GSG1L: variants seen among roughly 807,000 people sequenced by gnomAD.
The protein encoded by GSG1L is GSG1 like, also known as germ cell-specific gene 1-like protein.
A neutral mutation model predicts 42.1 loss-of-function variants in GSG1L; 24 were observed. The ratio of observed to expected loss-of-function variants is 0.57; its 90% CI spans 0.41 to 0.80. The LOEUF (loss-of-function observed/expected upper bound fraction) is 0.80, where lower values mean the gene tolerates loss of function less well. Ranked by LOEUF, GSG1L falls within the 30% of genes least tolerant of loss-of-function variation. The probability of loss-of-function intolerance (pLI) is 0.00; values close to 1 mark genes in which losing one functional copy is unlikely to be tolerated. For synonymous variants in GSG1L, 215 were observed against 203.5 expected (o/e 1.06, Z -0.48); for missense variants, 445 against 472.2 (o/e 0.94, Z 0.53).
At chr16:27,798,666 C>T (rs2082848109) in intron 6 of GSG1L, among the ~76,000 whole-genome samples, 1 of 152,160 alleles carries the variant, frequency 6.6e-6, no homozygotes, top group African/African-American at 2.4e-5. Context: ...TCTGCCTTAT[C>T]ATGACACTTC....
intron 3 of GSG1L, among the ~76,000 whole-genome samples, chr16:27,870,072 T>C (rs1324661586): frequency 6.7e-6 from 1 of 149,048 alleles, no homozygotes; most frequent in African/African-American, 2.5e-5. Flanking sequence ...TCTCTCCATC[T>C]CTCTTTCCTT....
At chr16:27,949,925 A>AAAACAAAC (rs541234298) in intron 2 of GSG1L, among the ~76,000 whole-genome samples, 218 of 152,280 alleles carry the variant, frequency 1.4e-3, no homozygotes, top group African/African-American at 5.1e-3. Flanking sequence ...ACTCCGTCTC[A>AAAACAAAC]AAACAAACAA....
At chr16:28,000,950 G>A (rs906165637) in intron 1 of GSG1L, among the ~76,000 whole-genome samples, 5 of 152,054 alleles carry the variant, frequency 3.3e-5, no homozygotes, top group East Asian at 1.9e-4. Context: ...ATCTTCTAGC[G>A]TCAGCATCTC....
chr16:27,967,498 T>C (rs989316194), intron 1 of GSG1L, among the ~76,000 whole-genome samples: 1 of 152,078 alleles, frequency 6.6e-6, no homozygotes, highest in Admixed American at 6.5e-5. Context: ...CACCTTCCAT[T>C]ACAGACAAAG....
intron 2 of GSG1L, among the ~76,000 whole-genome samples, chr16:27,961,652 A>G (rs965454698): frequency 2.6e-5 from 4 of 152,228 alleles, no homozygotes; most frequent in African/African-American, 7.2e-5. Context: ...TGTTCAACAA[A>G]TATCAGCCAT....
chr16:27,884,648 A>C lies in GSG1L; in HGVS notation c.398-10T>G. On this transcript the variant is annotated splice_polypyrimidine_tract_variant and intron_variant, in intron 2 of 6. Coordinates refer to ENST00000447459, the MANE Select transcript of GSG1L (RefSeq NM_001109763.2). This position sits in a 1 kb window ranked among gnomAD's most constrained non-coding sequence, Gnocchi z 4.4. ...GACAGCCACAGGACCCCTGTCCAAC[A>C]GAGGCAGAGAGGCCGTGAGATGAGG... is the stretch of plus-strand genomic sequence containing the variant. 1 of 1,565,954 alleles carries C rather than the reference A, an allele frequency of 6.4e-7. No homozygotes were observed. Among genetic ancestry groups the C allele is most frequent in the Non-Finnish European group, 8.7e-7 (1 of 1,154,996 alleles).
At chr16:27,985,166 G>A (rs1309006282) in intron 1 of GSG1L, among the ~76,000 whole-genome samples, 1 of 152,086 alleles carries the variant, frequency 6.6e-6, no homozygotes, top group Non-Finnish European at 1.5e-5. Context: ...GACTTCCTGT[G>A]CCCCTGAGAC....
chr16:28,026,494 C>T (rs967668079), intron 1 of GSG1L, among the ~76,000 whole-genome samples: 3 of 152,162 alleles, frequency 2.0e-5, no homozygotes, highest in African/African-American at 7.2e-5. Flanking sequence ...GCTTTCGCTG[C>T]CAGAACAGAG....
intron 6 of GSG1L, among the ~76,000 whole-genome samples, chr16:27,801,181 G>T (rs2082877264): frequency 6.6e-6 from 1 of 152,224 alleles, no homozygotes. Context: ...CAGCATGGGA[G>T]ATGGGGAAGA....
chr16:27,942,460 A>G (rs1056821029), intron 2 of GSG1L, among the ~76,000 whole-genome samples: 5 of 132,572 alleles, frequency 3.8e-5, no homozygotes, highest in African/African-American at 1.4e-4. Context: ...AAAAATGAGA[A>G]CTTCTTAAAA....
intron 5 of GSG1L, among the ~76,000 whole-genome samples, chr16:27,827,296 C>T (rs975197489): frequency 6.6e-6 from 1 of 152,164 alleles, no homozygotes; most frequent in African/African-American, 2.4e-5. Context: ...ATCGGCCATT[C>T]GCGGGTACCT....
chr16:27,802,874 C>G (rs2082899526), intron 6 of GSG1L, among the ~76,000 whole-genome samples: 1 of 151,834 alleles, frequency 6.6e-6, no homozygotes, highest in Non-Finnish European at 1.5e-5. Context: ...AGGCTGGTCT[C>G]GAACTCCTGG....
chr16:27,924,753 A>C (rs1186204229), intron 2 of GSG1L, among the ~76,000 whole-genome samples: 4 of 152,236 alleles, frequency 2.6e-5, no homozygotes, highest in African/African-American at 9.6e-5. Flanking sequence ...TTTGCAGCTC[A>C]ACAATATCAC....
rs576985378 is a variant in GSG1L, at chr16:27,919,260, C to T, written c.398-34622G>A. The stretch of plus-strand genomic sequence containing the variant: ...AAGAAGGTTCCAGGGCATGGGGATG[C>T]CCAAAGTGGCAATGACTTCCCACTG... On this transcript the variant is annotated intron_variant, in intron 2 of 6. Coordinates refer to ENST00000447459, the MANE Select transcript of GSG1L (RefSeq NM_001109763.2). Among the ~76,000 whole-genome samples the T allele has an allele frequency of 2.6e-5, 4 of 152,306 alleles. 1 individual carries two copies. Among genetic ancestry groups the T allele is most frequent in the African/African-American group, 7.2e-5 (3 of 41,558 alleles).
chr16:28,012,441 A>G (rs1421239692), intron 1 of GSG1L, among the ~76,000 whole-genome samples: 1 of 152,160 alleles, frequency 6.6e-6, no homozygotes, highest in Non-Finnish European at 1.5e-5. Flanking sequence ...AACCGGTGAC[A>G]ATATTGATTA....
intron 2 of GSG1L, among the ~76,000 whole-genome samples, chr16:27,916,890 A>T (rs941692055): frequency 6.6e-6 from 1 of 152,248 alleles, no homozygotes; most frequent in African/African-American, 2.4e-5. Flanking sequence ...TGCAAAAAAA[A>T]AAATGTCTAG....
At position 28,014,788 on chromosome 16, in the gene GSG1L, C is replaced by G. The variant is rs112356156; in HGVS notation, c.349+48288G>C. On this transcript the variant is annotated intron_variant, in intron 1 of 6. Coordinates refer to ENST00000447459, the MANE Select transcript of GSG1L (RefSeq NM_001109763.2). ...TGCTGGGATTACAGGCATTAACCAC[C>G]GTGCCAGCCTCATTTGTCCCACTGG... is the stretch of plus-strand genomic sequence containing the variant. Among the ~76,000 whole-genome samples, 392 of 151,806 alleles carry G rather than the reference C, an allele frequency of 2.6e-3. 2 individuals are homozygous for G. Among genetic ancestry groups the G allele is most frequent in the African/African-American group, 9.3e-3 (385 of 41,410 alleles).
intron 6 of GSG1L, among the ~76,000 whole-genome samples, chr16:27,792,731 G>A (rs1191670196): frequency 1.3e-5 from 2 of 152,172 alleles, no homozygotes; most frequent in Non-Finnish European, 2.9e-5. Context: ...AGCCCAGAAT[G>A]TATGCACCCC....
At chr16:27,944,189 A>G (rs760203104) in intron 2 of GSG1L, among the ~76,000 whole-genome samples, 1 of 152,210 alleles carries the variant, frequency 6.6e-6, no homozygotes, top group Non-Finnish European at 1.5e-5. Flanking sequence ...TTGTCAGGCT[A>G]TATATGTATA....
Sources: gnomAD v4.1 joint callset for allele counts (sites outside exome capture counted in the v4.1 genomes callset) on GRCh38, gnomAD v4.1.1 for gene constraint, Gnocchi (gnomAD v3.1) non-coding constraint, MANE v1.5 for transcripts, NCBI Gene and HGNC (gene_info 2026-07-23, HGNC 2026-07-21) for gene names.